PACSIN2: variants seen among roughly 807,000 people sequenced by gnomAD.
PACSIN2 encodes the protein protein kinase C and casein kinase substrate in neurons 2, also known as protein kinase C and casein kinase substrate in neurons protein 2.
A neutral mutation model predicts 63.8 loss-of-function variants in PACSIN2; 25 were observed. The observed-to-expected ratio is 0.39, with a 90% CI of 0.29 to 0.55. The LOEUF (loss-of-function observed/expected upper bound fraction) is 0.55. PACSIN2 is among the 20% of genes least tolerant of loss of function. The pLI is 0.62. For missense variants in PACSIN2, 518 were observed against 646.9 expected (o/e 0.80, Z 2.16); for synonymous variants, 255 against 256.2 (o/e 1.00, Z 0.05).
At chr22:42,894,539 C>T (rs1219376255) in intron 2 of PACSIN2, among the ~76,000 whole-genome samples, 1 of 152,218 alleles carries the variant, frequency 6.6e-6, no homozygotes, top group South Asian at 2.1e-4. Flanking sequence ...CCGCGCCCAG[C>T]CCAAAGGCAG....
intron 1 of PACSIN2, among the ~76,000 whole-genome samples, chr22:43,005,072 G>C (rs1004343522): frequency 1.3e-5 from 2 of 152,206 alleles, no homozygotes; most frequent in African/African-American, 2.4e-5. Flanking sequence ...AAAAGTAAAA[G>C]GGCAATGGTA....
intron 1 of PACSIN2, among the ~76,000 whole-genome samples, chr22:42,960,505 T>C (rs1934092406): frequency 6.6e-6 from 1 of 152,184 alleles, no homozygotes; most frequent in African/African-American, 2.4e-5. Flanking sequence ...CAACTGTGAT[T>C]ACATGGAAAT....
intron 1 of PACSIN2, among the ~76,000 whole-genome samples, chr22:42,926,886 C>A (rs1357066807): frequency 6.6e-6 from 1 of 151,946 alleles, no homozygotes; most frequent in African/African-American, 2.4e-5. Flanking sequence ...GAAAAACAAA[C>A]AACAGAGCAA....
chr22:43,004,272 A>G (rs185946307), intron 1 of PACSIN2, among the ~76,000 whole-genome samples: 1 of 152,290 alleles, frequency 6.6e-6, no homozygotes, highest in Admixed American at 6.5e-5. Context: ...CAAGAATTAA[A>G]TGGGCAGGAA....
chr22:42,913,594 T>C (rs1931615304), intron 1 of PACSIN2, among the ~76,000 whole-genome samples: 1 of 151,884 alleles, frequency 6.6e-6, no homozygotes, highest in East Asian at 1.9e-4. Flanking sequence ...TAGTAAGTGC[T>C]ACGAACTTAC....
At chr22:42,914,716 A>G (rs1931697373) in intron 1 of PACSIN2, among the ~76,000 whole-genome samples, 1 of 152,216 alleles carries the variant, frequency 6.6e-6, no homozygotes. Context: ...CTGGCCAGCC[A>G]TGGGAGCAGC....
At chr22:42,946,789 T>C (rs2146817044) in intron 1 of PACSIN2, 1 of 152,452 alleles carries the variant, frequency 6.6e-6, no homozygotes, top group Admixed American at 6.5e-5. Context: ...TTCCCTCGCT[T>C]CTGGTGTCCT....
At chr22:43,014,481 A>G (rs1452401054) in intron 1 of PACSIN2, among the ~76,000 whole-genome samples, 1 of 149,216 alleles carries the variant, frequency 6.7e-6, no homozygotes, top group East Asian at 2.0e-4. Flanking sequence ...AGGCCACCCC[A>G]GGACTAAGCC....
intron 1 of PACSIN2, among the ~76,000 whole-genome samples, chr22:42,985,768 A>C (rs978991627): frequency 4.6e-5 from 7 of 152,194 alleles, no homozygotes; most frequent in African/African-American, 1.7e-4. Flanking sequence ...AATGTCCTGG[A>C]AATCTGATAA....
intron 2 of PACSIN2, among the ~76,000 whole-genome samples, chr22:42,897,505 AT>A (rs1296188089): frequency 1.3e-5 from 2 of 152,334 alleles, no homozygotes; most frequent in East Asian, 3.9e-4. Flanking sequence ...AAACATATTA[AT>A]TGCTTCATTC....
rs368286642 is a variant in PACSIN2 at position 43,009,235 on chromosome 22, G to A, written c.-78+5786C>T. Among the ~76,000 whole-genome samples, 240 of 152,324 alleles carry A rather than the reference G, an allele frequency of 1.6e-3. 6 individuals carry two copies. The South Asian group carries it at 0.048, about 30-fold the overall frequency. On this transcript the variant is annotated intron_variant, in intron 1 of 10. Transcript: ENST00000263246. Reference sequence around the variant, plus strand: ...GCCTCTGGCTGTTTGCTCCATCAACGTGCTGACCAAGCCTGGCCCACTTTC... The same window carrying A: ...GCCTCTGGCTGTTTGCTCCATCAACATGCTGACCAAGCCTGGCCCACTTTC...
chr22:42,875,975 T>C lies in PACSIN2; in HGVS notation c.1348+162A>G, dbSNP rs8140221. Among the ~76,000 whole-genome samples the C allele has an allele frequency of 9.6e-3, 1,455 of 152,312 alleles. 17 individuals carry two copies. The highest frequency in any genetic ancestry group is 0.032 in the African/African-American group (1,349 of 41,562). On this transcript the variant is annotated intron_variant, in intron 10 of 10. Coordinates refer to ENST00000263246, the MANE Select transcript of PACSIN2 (RefSeq NM_001184970.3). ...GGCATGAGCCACCACATCCAGCCAA[T>C]TGGCTGCTTTTGACAATGAAGCCAG...
chr22:42,957,620 T>C (rs1933967812), intron 1 of PACSIN2, among the ~76,000 whole-genome samples: 1 of 152,218 alleles, frequency 6.6e-6, no homozygotes, highest in African/African-American at 2.4e-5. Context: ...TAAATCGTTT[T>C]CTCCTTTATT....
chr22:42,973,204 G>GT (rs1208936009), intron 1 of PACSIN2, among the ~76,000 whole-genome samples: 1 of 152,224 alleles, frequency 6.6e-6, no homozygotes, highest in Non-Finnish European at 1.5e-5. Context: ...GAGAAGTGGT[G>GT]TTTTTAAAAC....
chr22:42,888,491 C>T (rs561093337), intron 5 of PACSIN2, 152 bp downstream of exon 5: 60 of 721,380 alleles, frequency 8.3e-5, no homozygotes, highest in Non-Finnish European at 1.2e-4. Flanking sequence ...AGGGCACTCA[C>T]CTGTGGCCTT....
intron 1 of PACSIN2, among the ~76,000 whole-genome samples, chr22:43,009,946 T>C (rs928654690): frequency 3.4e-5 from 5 of 148,458 alleles, no homozygotes; most frequent in Non-Finnish European, 7.4e-5. Flanking sequence ...CTCGGCTCAC[T>C]GCAGCCTCTG....
chr22:42,925,287 C>T (rs1443051298), intron 1 of PACSIN2, among the ~76,000 whole-genome samples: 4 of 152,098 alleles, frequency 2.6e-5, no homozygotes, highest in African/African-American at 9.6e-5. Context: ...TAAGACCAGC[C>T]TGGCCAACAT....
chr22:42,934,486 C>T (rs116243943), intron 1 of PACSIN2, among the ~76,000 whole-genome samples: 1 of 152,246 alleles, frequency 6.6e-6, no homozygotes, highest in Non-Finnish European at 1.5e-5. Flanking sequence ...CACAGAACAC[C>T]TCCTGGGGCC....
At chr22:42,876,604 G>A (rs771646164) in intron 9 of PACSIN2, among the ~76,000 whole-genome samples, 3 of 152,244 alleles carry the variant, frequency 2.0e-5, no homozygotes, top group African/African-American at 4.8e-5. Flanking sequence ...CAGACTGCGC[G>A]TTGTCTGTTT....
Sources: allele counts gnomAD v4.1 joint callset (sites outside exome capture counted in the v4.1 genomes callset), GRCh38; gene constraint gnomAD v4.1.1; transcripts MANE v1.5; gene names NCBI Gene and HGNC (gene_info 2026-07-23, HGNC 2026-07-21).